SLC7A11: variants seen among roughly 807,000 people sequenced by gnomAD.
The protein encoded by SLC7A11 is cystine/glutamate transporter.
Under a neutral mutation model 54.5 loss-of-function variants are expected in SLC7A11, and 35 were observed. That is an observed-to-expected ratio of 0.64 (90% CI 0.49 to 0.85). The LOEUF (loss-of-function observed/expected upper bound fraction) is 0.85. Ranked by LOEUF, SLC7A11 falls within the 40% of genes least tolerant of loss-of-function variation. SLC7A11 has a pLI of 0.00. For missense variants in SLC7A11, 583 were observed against 618.1 expected, an observed-to-expected ratio of 0.94 and a Z score of 0.60; for synonymous variants, 230 against 225.2, an observed-to-expected ratio of 1.02 and a Z score of -0.19.
At chr4:138,234,772 A>G (rs1738165429) in intron 2 of SLC7A11, among the ~76,000 whole-genome samples, 1 of 152,222 alleles carries the variant, frequency 6.6e-6, no homozygotes, top group African/African-American at 2.4e-5. Flanking sequence ...CATAATGCTA[A>G]GCAATGAGCC....
intron 6 of SLC7A11, among the ~76,000 whole-genome samples, chr4:138,201,216 A>C (rs1282979714): frequency 6.6e-6 from 1 of 152,120 alleles, no homozygotes; most frequent in Non-Finnish European, 1.5e-5. Flanking sequence ...TATGCCATGA[A>C]CTTGATATCA....
Position 138,179,375 on chromosome 4 carries a change from G to C in SLC7A11, c.1286C>G (p.Ala429Gly). ...RPFKVPLFIP[A>G]LFSFTCLFMV... ...GAAGAGGCATGTGAAGGAAAACAAAGCTGGGATGAACAGTGGCACCTGGAA... is the reference window on the plus strand; with the variant it reads ...GAAGAGGCATGTGAAGGAAAACAAACCTGGGATGAACAGTGGCACCTGGAA... The change falls in exon 11 of 12, where the codon GCT (alanine) becomes GGT (glycine). Residue 429 changes from alanine (A) to glycine (G), a missense_variant. Transcript: ENST00000280612. 3 of 1,612,096 alleles carry C rather than the reference G, an allele frequency of 1.9e-6. No individual in the cohort carries two copies. Among genetic ancestry groups the C allele is most frequent in the African/African-American group, 1.3e-5 (1 of 74,954 alleles).
At chr4:138,226,319 T>G (rs1489219966) in intron 3 of SLC7A11, among the ~76,000 whole-genome samples, 1 of 152,162 alleles carries the variant, frequency 6.6e-6, no homozygotes, top group Non-Finnish European at 1.5e-5. Flanking sequence ...TGGTGATAGT[T>G]TCACAGGTGA....
intron 6 of SLC7A11, among the ~76,000 whole-genome samples, chr4:138,202,296 CTACT>C (rs1418122542): frequency 6.6e-6 from 1 of 152,046 alleles, no homozygotes; most frequent in East Asian, 1.9e-4. Flanking sequence ...ACAAGACACT[CTACT>C]TAAGGTGATC....
intron 3 of SLC7A11, among the ~76,000 whole-genome samples, chr4:138,226,571 G>C (rs79652067): frequency 8.1e-6 from 1 of 122,744 alleles, no homozygotes; most frequent in African/African-American, 2.7e-5. Context: ...GGCAGCCAGC[G>C]AGAGGTACAG....
chr4:138,235,852 T>A (rs1738195229), intron 2 of SLC7A11, among the ~76,000 whole-genome samples: 1 of 152,218 alleles, frequency 6.6e-6, no homozygotes, highest in Non-Finnish European at 1.5e-5. Flanking sequence ...CAAACTCTGT[T>A]TTTTATGAAG....
At chr4:138,196,151 C>G (rs1307704153) in intron 6 of SLC7A11, among the ~76,000 whole-genome samples, 1 of 152,152 alleles carries the variant, frequency 6.6e-6, no homozygotes, top group Non-Finnish European at 1.5e-5. Context: ...CAGGATAACA[C>G]TGCCCCTAGC....
At chr4:138,195,244 T>C (rs990814174) in intron 6 of SLC7A11, among the ~76,000 whole-genome samples, 2 of 152,236 alleles carry the variant, frequency 1.3e-5, no homozygotes, top group African/African-American at 4.8e-5. Context: ...ACATTGACTG[T>C]ATTATTTCAC....
At chr4:138,224,841 AGG>A (rs1403270467) in intron 3 of SLC7A11, among the ~76,000 whole-genome samples, 4 of 151,348 alleles carry the variant, frequency 2.6e-5, no homozygotes. Flanking sequence ...GAAGGAAGGA[AGG>A]AAGGAAGGAA....
intron 3 of SLC7A11, among the ~76,000 whole-genome samples, chr4:138,231,975 G>T (rs148964114): frequency 6.6e-6 from 1 of 151,890 alleles, no homozygotes; most frequent in African/African-American, 2.4e-5. Flanking sequence ...AAAATAATTG[G>T]GGTTTTCTCT....
In SLC7A11 at chr4:138,229,777, A is replaced by G. The variant is rs139800054; in HGVS notation, c.520+2490T>C. ...ATAAAAACATAAATATAGCATTAGT[A>G]TTCATATAAGTTTAACTCCAAAGTG... On this transcript the variant is annotated intron_variant, in intron 3 of 11. Transcript: ENST00000280612. 7.9e-3 allele frequency among the ~76,000 whole-genome samples: 1,208 copies of G among 152,356 alleles called. 16 individuals carry two copies. The highest frequency in any genetic ancestry group is 0.028 in the African/African-American group (1,160 of 41,584).
rs200210449 is a variant in SLC7A11 at position 138,223,248 on chromosome 4, G to A, written c.597C>T (p.Leu199=). 1.9e-6 allele frequency: 3 copies of A among 1,613,536 alleles called. No homozygotes were observed. The highest frequency in any genetic ancestry group is 2.5e-6 in the Non-Finnish European group (3 of 1,179,602). The change falls in exon 4 of 12, where the codon CTC becomes CTT. Residue 199 remains leucine, a synonymous_variant. Coordinates refer to ENST00000280612, the MANE Select transcript of SLC7A11 (RefSeq NM_014331.4). Reference sequence around the variant, plus strand: ...GGACTATAATTATCAGAATTGCTGTGAGCTTGCAAAAGGTTAAGAAAATCT... The same window carrying A: ...GGACTATAATTATCAGAATTGCTGTAAGCTTGCAAAAGGTTAAGAAAATCT... ...RIQIFLTFCK[L]TAILIIIVPG...
chr4:138,224,755 G>C (rs1479244749), intron 3 of SLC7A11, among the ~76,000 whole-genome samples: 1 of 150,644 alleles, frequency 6.6e-6, no homozygotes, highest in African/African-American at 2.4e-5. Context: ...AATACAGCAA[G>C]TTAGAGGAAT....
intron 11 of SLC7A11, among the ~76,000 whole-genome samples, chr4:138,178,679 T>G (rs188137615): frequency 6.6e-6 from 1 of 152,224 alleles, no homozygotes; most frequent in East Asian, 1.9e-4. Flanking sequence ...TAAAAAAAAT[T>G]AAATGAAGTC....
chr4:138,236,394 G>C lies in SLC7A11; in HGVS notation c.335C>G (p.Thr112Arg), dbSNP rs1738208211. ...TGGACCAAAGACTTCCAAAATATAT[G>C]TGTAATGACCTCCAGATTTCTTTAT... The part of the protein sequence containing the change: ...TTIKKSGGHY[T>R]YILEVFGPLP... The change falls in exon 2 of 12, where the codon ACA becomes AGA. Residue 112 changes from threonine to arginine, a missense_variant. Physicochemically the swap from Thr to Arg is moderately conservative, Grantham distance 71. Coordinates refer to ENST00000280612, the MANE Select transcript of SLC7A11 (RefSeq NM_014331.4). The C allele has an allele frequency of 6.2e-7, 1 of 1,612,854 alleles. No individual in the cohort carries two copies. The highest frequency in any genetic ancestry group is 1.7e-5 in the Admixed American group (1 of 59,990).
intron 6 of SLC7A11, among the ~76,000 whole-genome samples, chr4:138,185,999 G>A (rs940581566): frequency 5.3e-5 from 8 of 152,114 alleles, no homozygotes; most frequent in African/African-American, 1.9e-4. Context: ...GAAATTAGAG[G>A]TGACATGCTG....
chr4:138,171,998 T>C lies in SLC7A11; in HGVS notation c.1464A>G (p.Leu488=). The C allele has an allele frequency of 6.3e-7, 1 of 1,597,574 alleles. No individual in the cohort carries two copies. Among genetic ancestry groups the C allele is most frequent in the Non-Finnish European group, 8.5e-7 (1 of 1,174,566 alleles). The change falls in exon 12 of 12, where the codon TTA becomes TTG. Residue 488 remains leucine (L), a synonymous_variant. Transcript: ENST00000280612. The part of the protein sequence containing the change: ...RIMSEKITRT[L]QIILEVVPEE... ...CTGGTACAACTTCCAGTATTATTTGTAATGTTCTGGTTATTTTCTCTACAA... is the reference window on the plus strand; with the variant it reads ...CTGGTACAACTTCCAGTATTATTTGCAATGTTCTGGTTATTTTCTCTACAA...
At position 138,170,283 on chromosome 4, in the gene SLC7A11, C is replaced by CACAT. The variant is rs1389151534; in HGVS notation, c.*1672_*1673insATGT. ...ATATATATATATATACACACACACA[C>CACAT]ACACACACACATACACACACATATA... On this transcript the variant is annotated 3_prime_UTR_variant, in exon 12 of 12. Transcript: ENST00000280612. 9.3e-6 allele frequency: 1 copy of CACAT among 107,362 alleles called. No individual in the cohort carries two copies. The highest frequency in any genetic ancestry group is 3.4e-5 in the African/African-American group (1 of 29,352). The allele number at this position is 107,362 out of a possible 1,614,324, so 6.7% of individuals were successfully genotyped here. A position where few individuals can be genotyped will look rare whatever the true frequency, so the allele number is the denominator to read the frequency against.
intron 3 of SLC7A11, among the ~76,000 whole-genome samples, chr4:138,226,683 T>TG (rs761680722): frequency 2.0e-5 from 3 of 152,256 alleles, no homozygotes; most frequent in Admixed American, 6.5e-5. Context: ...AAAAGGGACT[T>TG]GGGATTCACT....
Sources: gnomAD v4.1 joint callset for allele counts (sites outside exome capture counted in the v4.1 genomes callset) on GRCh38, gnomAD v4.1.1 for gene constraint, MANE v1.5 for transcripts, NCBI Gene and HGNC (gene_info 2026-07-23, HGNC 2026-07-21) for gene names.